The following DYNC1LI2 variants were observed in gnomAD, a reference collection of about 807,000 sequenced individuals.
The protein encoded by DYNC1LI2 is cytoplasmic dynein 1 light intermediate chain 2.
Under a neutral mutation model 57.8 loss-of-function variants are expected in DYNC1LI2, and 19 were observed. The ratio of observed to expected loss-of-function variants is 0.33; its 90% CI spans 0.23 to 0.48. The LOEUF is 0.48. Ranked by LOEUF, DYNC1LI2 falls within the 20% of genes least tolerant of loss-of-function variation. DYNC1LI2 has a pLI of 0.99. For synonymous variants in DYNC1LI2, 256 were observed against 233.4 expected (o/e 1.10, Z -0.88); for missense variants, 470 against 604.2 (o/e 0.78, Z 2.33).
rs1362059069 is a variant in DYNC1LI2, at chr16:66,723,676, A to T, written c.*46T>A. ...AAAATCCTGGTCTTAGCAGATCAATATACATAGTTATTTGGTCATTCGACA... is the reference window on the plus strand; with the variant it reads ...AAAATCCTGGTCTTAGCAGATCAATTTACATAGTTATTTGGTCATTCGACA... On this transcript the variant is annotated 3_prime_UTR_variant, in exon 13 of 13. Transcript: ENST00000258198. 1 of 1,556,972 alleles carries T rather than the reference A, an allele frequency of 6.4e-7. No homozygotes were observed. Among genetic ancestry groups the T allele is most frequent in the East Asian group, 2.2e-5 (1 of 44,612 alleles).
Position 66,742,467 on chromosome 16 carries a change from G to A in DYNC1LI2, c.500C>T (p.Pro167Leu), listed in dbSNP as rs147140815. ...REHIDKMKIP[P>L]EKMRELERKF... Reference sequence around the variant, plus strand: ...CCGTTCCAGCTCCCTCATTTTTTCTGGTGGAATTTTCATTTTATCAATGTG... The same window carrying A: ...CCGTTCCAGCTCCCTCATTTTTTCTAGTGGAATTTTCATTTTATCAATGTG... Residue 167 changes from proline to leucine, a missense_variant, in exon 4 of 13, where the codon CCA becomes CTA. Coordinates refer to ENST00000258198, the MANE Select transcript of DYNC1LI2 (RefSeq NM_006141.3). 6.2e-7 allele frequency: 1 copy of A among 1,613,366 alleles called. No individual in the cohort carries two copies. The highest frequency in any genetic ancestry group is 1.3e-5 in the African/African-American group (1 of 74,968).
intron 3 of DYNC1LI2, among the ~76,000 whole-genome samples, chr16:66,748,481 GT>G (rs2017980685): frequency 6.6e-6 from 1 of 152,016 alleles, no homozygotes; most frequent in African/African-American, 2.4e-5. Flanking sequence ...TACTACTCAC[GT>G]TTTAAAGATG....
chr16:66,736,474 C>G (rs2017737081), intron 4 of DYNC1LI2, among the ~76,000 whole-genome samples: 1 of 152,072 alleles, frequency 6.6e-6, no homozygotes, highest in African/African-American at 2.4e-5. Context: ...AAGACATTCC[C>G]CTGGGCATCT....
chr16:66,741,407 G>GAAAT (rs2017833278), intron 4 of DYNC1LI2, among the ~76,000 whole-genome samples: 1 of 152,166 alleles, frequency 6.6e-6, no homozygotes, highest in Non-Finnish European at 1.5e-5. Flanking sequence ...GGTGACCAGG[G>GAAAT]AAATATACAC....
chr16:66,722,016 T>G lies in DYNC1LI2; in HGVS notation c.*1706A>C, dbSNP rs1323326459. 1.3e-5 allele frequency: 2 copies of G among 152,572 alleles called. No individual in the cohort carries two copies. 9.5% of individuals were successfully genotyped at this position (152,572 alleles called of 1,614,324 possible). A position where few individuals can be genotyped will look rare whatever the true frequency, so the allele number is the denominator to read the frequency against. The stretch of plus-strand genomic sequence containing the variant: ...GTAACTGGAAGCCACAATACATTTG[T>G]TTTTTTAAAAAACTGAATTAAAAAA... On this transcript the variant is annotated 3_prime_UTR_variant, in exon 13 of 13. Coordinates refer to ENST00000258198, the MANE Select transcript of DYNC1LI2 (RefSeq NM_006141.3).
At chr16:66,734,074 A>C in intron 6 of DYNC1LI2, 144 bp downstream of exon 6, 1 of 661,216 alleles carries the variant, frequency 1.5e-6, no homozygotes, top group Non-Finnish European at 2.5e-6. Flanking sequence ...CCGATACAGT[A>C]AAACATAAAC....
intron 6 of DYNC1LI2, 30 bp downstream of exon 6, chr16:66,734,188 C>G: frequency 6.2e-7 from 1 of 1,610,094 alleles, no homozygotes; most frequent in African/African-American, 1.3e-5. Flanking sequence ...AAGCCTGTGA[C>G]CCAGGCCCCA....
chr16:66,728,981 T>C, intron 9 of DYNC1LI2, 59 bp downstream of exon 9: 1 of 1,586,992 alleles, frequency 6.3e-7, no homozygotes, highest in Non-Finnish European at 8.7e-7. Context: ...AACCCCACCC[T>C]AGGGACTGGC....
chr16:66,735,321 G>C (rs1362791139), intron 5 of DYNC1LI2, among the ~76,000 whole-genome samples: 1 of 151,678 alleles, frequency 6.6e-6, no homozygotes, highest in Non-Finnish European at 1.5e-5. Flanking sequence ...GGCTGGTCTT[G>C]AACTCCTGAC....
chr16:66,732,481 A>C lies in DYNC1LI2; in HGVS notation c.794-7T>G. On this transcript the variant is annotated splice_region_variant and splice_polypyrimidine_tract_variant and intron_variant, in intron 6 of 12. Transcript: ENST00000258198. ...TAAATCAAGGCAGCTCCATCTAATC[A>C]ATCTGCTCAAGAAAAATCAATTCAC... 1 of 1,607,576 alleles carries C rather than the reference A, an allele frequency of 6.2e-7. No homozygotes were observed.
intron 3 of DYNC1LI2, among the ~76,000 whole-genome samples, chr16:66,745,183 T>C (rs986488713): frequency 2.0e-5 from 3 of 152,220 alleles, no homozygotes; most frequent in Non-Finnish European, 4.4e-5. Context: ...ATTACAGGCA[T>C]GAGCCACCGT....
chr16:66,732,363 A>T lies in DYNC1LI2; in HGVS notation c.905T>A (p.Val302Asp). 6.2e-7 allele frequency: 1 copy of T among 1,613,674 alleles called. No individual in the cohort carries two copies. Among genetic ancestry groups the T allele is most frequent in the Non-Finnish European group, 8.5e-7 (1 of 1,179,878 alleles). Residue 302 changes from valine to aspartate, a missense_variant, in exon 7 of 13, where the codon GTT becomes GAT. Physicochemically the swap from Val to Asp is radical, Grantham distance 152 (BLOSUM62 -3). Transcript: ENST00000258198. ...YGFHFTTPAL[V>D]VEKDAVFIPA... ...CATAAAAACGGCATCCTTTTCCACA[A>T]CTAAGGCAGGTGTGGTGAAGTGGAA... is the stretch of plus-strand genomic sequence containing the variant.
chr16:66,732,605 T>C (rs973242520), intron 6 of DYNC1LI2, 131 bp from the exon 7 acceptor site: 1 of 1,002,920 alleles, frequency 1.0e-6, no homozygotes, highest in Non-Finnish European at 1.4e-6. Context: ...GCATTACAAT[T>C]TTAAAAACTA....
At chr16:66,741,732 G>T (rs2017840488) in intron 4 of DYNC1LI2, among the ~76,000 whole-genome samples, 1 of 151,820 alleles carries the variant, frequency 6.6e-6, no homozygotes, top group Admixed American at 6.6e-5. Flanking sequence ...CTGGCAAGTG[G>T]ACAGAAGATG....
At position 66,734,222 on chromosome 16, in the gene DYNC1LI2, A is replaced by T. The variant is rs1178275913; in HGVS notation, c.789T>A (p.Leu263=). ...FIQSHLRRFC[L]QYGAALIYTS... The stretch of plus-strand genomic sequence containing the variant: ...CACACAGCGCCCAAAGGATACACTG[A>T]AGGCAGAACCTCCGCAGGTGTGACT... The change falls in exon 6 of 13, where the codon CTT becomes CTA. Residue 263 remains leucine (L), a synonymous_variant. Transcript: ENST00000258198. 6.2e-7 allele frequency: 1 copy of T among 1,613,996 alleles called. No individual in the cohort carries two copies. The highest frequency in any genetic ancestry group is 8.5e-7 in the Non-Finnish European group (1 of 1,180,014).
chr16:66,749,012 G>C (rs1259980849), intron 3 of DYNC1LI2, among the ~76,000 whole-genome samples, 185 bp downstream of exon 3: 3 of 152,178 alleles, frequency 2.0e-5, no homozygotes, highest in African/African-American at 7.2e-5. Context: ...CCCCAATTTT[G>C]CTAACATACT....
At chr16:66,734,972 G>A (rs1354277580) in intron 5 of DYNC1LI2, among the ~76,000 whole-genome samples, 1 of 113,766 alleles carries the variant, frequency 8.8e-6, no homozygotes, top group Non-Finnish European at 1.6e-5. Context: ...ACTCCAGCCT[G>A]GGCAACAAGA....
Position 66,742,649 on chromosome 16 carries a change from C to A in DYNC1LI2, c.318G>T (p.Val106=). ...EDRDDHTRCN[V]WILDGDLYHK... ...GGTACAAGTCTCCATCCAGAATCCA[C>A]ACGTTGCAGCGCGTGTGATCTGAGA... The change falls in exon 4 of 13, where the codon GTG becomes GTT. Residue 106 remains valine (V), a synonymous_variant. Transcript: ENST00000258198. The A allele has an allele frequency of 1.2e-6, 2 of 1,614,192 alleles. No individual in the cohort carries two copies. The highest frequency in any genetic ancestry group is 1.7e-6 in the Non-Finnish European group (2 of 1,180,032).
At chr16:66,735,956 T>C (rs1412256151) in intron 5 of DYNC1LI2, 119 bp downstream of exon 5, 3 of 1,328,060 alleles carry the variant, frequency 2.3e-6, no homozygotes, top group Non-Finnish European at 3.1e-6. Flanking sequence ...TGTACCTTAA[T>C]GAATCTCAAA....
Sources: allele counts gnomAD v4.1 joint callset (sites outside exome capture counted in the v4.1 genomes callset), GRCh38; gene constraint gnomAD v4.1.1; transcripts MANE v1.5; gene names NCBI Gene and HGNC (gene_info 2026-07-23, HGNC 2026-07-21).